PPP1CB: variants seen among roughly 807,000 people sequenced by gnomAD.
PPP1CB encodes the protein protein phosphatase 1 catalytic subunit beta.
A neutral mutation model predicts 43.7 loss-of-function variants in PPP1CB; 2 were observed. The observed-to-expected ratio is 0.05, with a 90% CI of 0.02 to 0.14. PPP1CB has a LOEUF of 0.14. Ranked by LOEUF, PPP1CB falls within the 10% of genes least tolerant of loss-of-function variation. PPP1CB has a pLI of 1.00. For synonymous variants in PPP1CB, 136 were observed against 135.6 expected (o/e 1.00, Z -0.02); for missense variants, 84 against 398.0 (o/e 0.21, Z 6.71).
intron 6 of PPP1CB, among the ~76,000 whole-genome samples, chr2:28,792,074 C>T (rs1667399112): frequency 6.6e-6 from 1 of 152,128 alleles, no homozygotes; most frequent in African/African-American, 2.4e-5. Context: ...GGCACCGTGG[C>T]TCACGCCTGA....
intron 5 of PPP1CB, among the ~76,000 whole-genome samples, chr2:28,788,098 G>A (rs1667309865): frequency 6.6e-6 from 1 of 151,934 alleles, no homozygotes; most frequent in East Asian, 1.9e-4. Flanking sequence ...ATGGAATTAG[G>A]CAATTGTTTT....
At chr2:28,779,562 G>A (rs1198450874) in intron 3 of PPP1CB, among the ~76,000 whole-genome samples, 2 of 152,132 alleles carry the variant, frequency 1.3e-5, no homozygotes, top group African/African-American at 2.4e-5. Flanking sequence ...GGAAATCAAC[G>A]ATTTGGTATT....
At chr2:28,779,688 A>G (rs1667110929) in intron 3 of PPP1CB, among the ~76,000 whole-genome samples, 1 of 152,224 alleles carries the variant, frequency 6.6e-6, no homozygotes, top group Admixed American at 6.5e-5. Flanking sequence ...AGAATCAATT[A>G]TAATCTTCAA....
chr2:28,752,184 C>T lies in PPP1CB; in HGVS notation c.52+8C>T. The T allele has an allele frequency of 6.5e-7, 1 of 1,540,678 alleles. No homozygotes were observed. Among genetic ancestry groups the T allele is most frequent in the Non-Finnish European group, 8.8e-7 (1 of 1,141,412 alleles). On this transcript the variant is annotated splice_region_variant and intron_variant, in intron 1 of 7. Transcript: ENST00000395366. ...TCACCCGGCTGCTGGAGGGTGAGTG[C>T]GCGCCTGGCCGCGGGACAGAGGGAG... is the stretch of plus-strand genomic sequence containing the variant.
At chr2:28,790,578 G>A (rs1408661006) in intron 6 of PPP1CB, among the ~76,000 whole-genome samples, 2 of 152,146 alleles carry the variant, frequency 1.3e-5, no homozygotes, top group Non-Finnish European at 2.9e-5. Flanking sequence ...GACCCCAGGT[G>A]ATCTGCCCAC....
chr2:28,785,562 AAC>A (rs1667249010), intron 5 of PPP1CB, among the ~76,000 whole-genome samples: 2 of 152,238 alleles, frequency 1.3e-5, no homozygotes, highest in Admixed American at 1.3e-4. Context: ...TTGTAATTCC[AAC>A]AGTTTGGGAG....
rs769650329 is a variant in PPP1CB at position 28,785,065 on chromosome 2, CTTTTTTTTTTTTTT to C, written c.592+1102_592+1115del. On this transcript the variant is annotated intron_variant, in intron 5 of 7. Coordinates refer to ENST00000395366, the MANE Select transcript of PPP1CB (RefSeq NM_002709.3). ...ATGTTGTAATAAATTGTGTTAGGAGCTTTTTTTTTTTTTTTTTTTTTTTTTTTTGAGACAGAGTC... is the reference window on the plus strand; with the variant it reads ...ATGTTGTAATAAATTGTGTTAGGAGCTTTTTTTTTTTTTTGAGACAGAGTC... Among the ~76,000 whole-genome samples the C allele has an allele frequency of 1.1e-3, 63 of 54,998 alleles. 1 individual carries two copies. The highest frequency in any genetic ancestry group is 5.1e-3 in the African/African-American group (61 of 12,064). The allele number at this position is 54,998 out of a possible 152,430, so 36.1% of individuals were successfully genotyped here. A position where few individuals can be genotyped will look rare whatever the true frequency, so the allele number is the denominator to read the frequency against.
At chr2:28,795,215 A>G (rs1255889315) in intron 7 of PPP1CB, among the ~76,000 whole-genome samples, 2 of 152,190 alleles carry the variant, frequency 1.3e-5, no homozygotes, top group Non-Finnish European at 2.9e-5. Flanking sequence ...CATGGTGTAT[A>G]TGTACCACAT....
chr2:28,758,058 T>C (rs1418351479), intron 1 of PPP1CB, among the ~76,000 whole-genome samples: 1 of 151,642 alleles, frequency 6.6e-6, no homozygotes, highest in Non-Finnish European at 1.5e-5. Flanking sequence ...ATTTTTTTTT[T>C]TTTTGGAGGC....
rs1667559524 is a variant in PPP1CB, at chr2:28,799,321, A to G, written c.*18A>G. ...AAAGGTGAAGAAAGGAATTCTGTAA[A>G]GAAACCATCAGATTTGTTAAGGACA... On this transcript the variant is annotated 3_prime_UTR_variant, in exon 8 of 8. Transcript: ENST00000395366. The G allele has an allele frequency of 6.5e-7, 1 of 1,543,320 alleles. No homozygotes were observed. The highest frequency in any genetic ancestry group is 9.0e-7 in the Non-Finnish European group (1 of 1,116,432).
At chr2:28,780,094 T>C (rs1284189415) in intron 3 of PPP1CB, among the ~76,000 whole-genome samples, 1 of 110,416 alleles carries the variant, frequency 9.1e-6, no homozygotes, top group African/African-American at 4.5e-5. Flanking sequence ...CTTTTTTTTT[T>C]TTTTTTTTTT....
intron 5 of PPP1CB, among the ~76,000 whole-genome samples, chr2:28,787,333 C>T (rs1240408779): frequency 1.3e-5 from 2 of 152,094 alleles, no homozygotes; most frequent in African/African-American, 4.8e-5. Flanking sequence ...GTAGCGGGCA[C>T]CTGTAGTCCC....
Position 28,799,371 on chromosome 2 carries a change from C to A in PPP1CB, c.*68C>A. The stretch of plus-strand genomic sequence containing the variant: ...ATACTTCATAATATATAAGTGTGCA[C>A]TGTAAAACCATCCAGCCATTTGACA... On this transcript the variant is annotated 3_prime_UTR_variant, in exon 8 of 8. Coordinates refer to ENST00000395366, the MANE Select transcript of PPP1CB (RefSeq NM_002709.3). 1.6e-6 allele frequency: 2 copies of A among 1,269,866 alleles called. No homozygotes were observed. The highest frequency in any genetic ancestry group is 2.3e-6 in the Non-Finnish European group (2 of 885,472). The allele number at this position is 1,269,866 out of a possible 1,614,324, so 78.7% of individuals were successfully genotyped here. A position where few individuals can be genotyped will look rare whatever the true frequency, so the allele number is the denominator to read the frequency against.
chr2:28,765,627 A>C (rs904158050), intron 1 of PPP1CB, among the ~76,000 whole-genome samples: 28 of 152,256 alleles, frequency 1.8e-4, no homozygotes, highest in Non-Finnish European at 4.0e-4. Context: ...TGTATAAAGC[A>C]GTTTGCTGAC....
intron 1 of PPP1CB, among the ~76,000 whole-genome samples, chr2:28,763,689 G>C (rs1400919914): frequency 7.3e-6 from 1 of 137,210 alleles, no homozygotes; most frequent in East Asian, 1.9e-4. Context: ...GGCCATTTTG[G>C]TCTCTGAATC....
At chr2:28,762,600 T>G (rs1303522589) in intron 1 of PPP1CB, among the ~76,000 whole-genome samples, 1 of 152,176 alleles carries the variant, frequency 6.6e-6, no homozygotes, top group Non-Finnish European at 1.5e-5. Flanking sequence ...AATCAGCAAG[T>G]GGTGGTTTTT....
rs542777573 is a variant in PPP1CB, at chr2:28,781,910, C to A, written c.520+68C>A. ...TTATTCGGAAAATACCTATAATAAT[C>A]AAGAGGCTGTGGGAAAACAAAGCAG... On this transcript the variant is annotated intron_variant, in intron 4 of 7. Coordinates refer to ENST00000395366, the MANE Select transcript of PPP1CB (RefSeq NM_002709.3). The A allele has an allele frequency of 1.2e-5, 13 of 1,069,458 alleles. No individual in the cohort carries two copies. The African/African-American group carries it at 1.9e-4, about 16-fold the overall frequency. 66.2% of individuals were successfully genotyped at this position (1,069,458 alleles called of 1,614,324 possible). A position where few individuals can be genotyped will look rare whatever the true frequency, so the allele number is the denominator to read the frequency against.
rs1352471455 is a variant in PPP1CB at position 28,801,788 on chromosome 2, T to TA, written c.*2486dup. On this transcript the variant is annotated 3_prime_UTR_variant, in exon 8 of 8. Coordinates refer to ENST00000395366, the MANE Select transcript of PPP1CB (RefSeq NM_002709.3). Reference sequence around the variant, plus strand: ...ATCATGAAACACAGTAGATATCTGTTATAATGTGGTGTATCACATGGATTA... The same window carrying TA: ...ATCATGAAACACAGTAGATATCTGTTAATAATGTGGTGTATCACATGGATTA... 6.6e-6 allele frequency: 1 copy of TA among 152,192 alleles called. No homozygotes were observed. Among genetic ancestry groups the TA allele is most frequent in the East Asian group, 1.9e-4 (1 of 5,202 alleles). The allele number at this position is 152,192 out of a possible 1,614,324, so 9.4% of individuals were successfully genotyped here. A position where few individuals can be genotyped will look rare whatever the true frequency, so the allele number is the denominator to read the frequency against.
In PPP1CB at chr2:28,800,387, C is replaced by G. The variant is rs1667589967; in HGVS notation, c.*1084C>G. On this transcript the variant is annotated 3_prime_UTR_variant, in exon 8 of 8. Transcript: ENST00000395366. ...AATGCTGGTCAGTGGGACATTTTGT[C>G]AACTATGGGTATTGGGTGCTTAACT... 1 of 152,080 alleles carries G rather than the reference C, an allele frequency of 6.6e-6. No individual in the cohort carries two copies. Among genetic ancestry groups the G allele is most frequent in the African/African-American group, 2.4e-5 (1 of 41,308 alleles). 9.4% of individuals were successfully genotyped at this position (152,080 alleles called of 1,614,324 possible).
Sources: allele counts gnomAD v4.1 joint callset (sites outside exome capture counted in the v4.1 genomes callset), GRCh38; gene constraint gnomAD v4.1.1; transcripts MANE v1.5; gene names NCBI Gene and HGNC (gene_info 2026-07-23, HGNC 2026-07-21).